Variants in GTF2F2 observed in about 807,000 individuals in gnomAD.
The protein encoded by GTF2F2 is general transcription factor IIF subunit 2.
Under a neutral mutation model 42.2 loss-of-function variants are expected in GTF2F2, and 23 were observed. That is an observed-to-expected ratio of 0.55 (90% CI 0.39 to 0.77). The LOEUF (loss-of-function observed/expected upper bound fraction) is 0.77. GTF2F2 is among the 30% of genes least tolerant of loss of function. The pLI is 0.00. For missense variants in GTF2F2, 261 were observed against 287.2 expected (o/e 0.91, Z 0.66); for synonymous variants, 105 against 100.8 (o/e 1.04, Z -0.25).
At chr13:45,168,995 C>T (rs1209990020) in intron 4 of GTF2F2, among the ~76,000 whole-genome samples, 1 of 148,708 alleles carries the variant, frequency 6.7e-6, no homozygotes, top group East Asian at 2.0e-4. Flanking sequence ...CCCTCCTTCC[C>T]TCTTTCCCTC....
chr13:45,134,360 G>T (rs1022163418), intron 1 of GTF2F2, among the ~76,000 whole-genome samples: 1 of 152,058 alleles, frequency 6.6e-6, no homozygotes, highest in Non-Finnish European at 1.5e-5. Flanking sequence ...TATGCTCTTC[G>T]GGAGCTGCCT....
intron 6 of GTF2F2, among the ~76,000 whole-genome samples, chr13:45,256,743 A>G (rs1394566534): frequency 6.6e-6 from 1 of 152,106 alleles, no homozygotes; most frequent in African/African-American, 2.4e-5. Context: ...AGAAACATAA[A>G]CGAACACAGG....
chr13:45,147,916 T>C (rs991916199), intron 2 of GTF2F2, among the ~76,000 whole-genome samples: 2 of 152,206 alleles, frequency 1.3e-5, no homozygotes, highest in African/African-American at 2.4e-5. Flanking sequence ...GACAGGTACA[T>C]TTATGGTATA....
intron 2 of GTF2F2, among the ~76,000 whole-genome samples, chr13:45,142,252 C>G (rs186176404): frequency 6.6e-6 from 1 of 152,144 alleles, no homozygotes; most frequent in African/African-American, 2.4e-5. Context: ...CTGCAACCTC[C>G]GCCTCCTGAG....
At chr13:45,217,672 A>C (rs1425521047) in intron 5 of GTF2F2, among the ~76,000 whole-genome samples, 1 of 152,214 alleles carries the variant, frequency 6.6e-6, no homozygotes, top group Non-Finnish European at 1.5e-5. Context: ...AGTCCTGAGA[A>C]GCAGTATTGG....
At chr13:45,160,137 T>C (rs750040387) in intron 4 of GTF2F2, among the ~76,000 whole-genome samples, 2 of 152,360 alleles carry the variant, frequency 1.3e-5, no homozygotes, top group Non-Finnish European at 2.9e-5. Flanking sequence ...CTAACATTTT[T>C]ATTTAAAAAT....
chr13:45,283,342 T>C (rs548620788), intron 7 of GTF2F2, 100 bp from the exon 8 acceptor site: 2 of 1,063,070 alleles, frequency 1.9e-6, no homozygotes, highest in Non-Finnish European at 2.6e-6. Flanking sequence ...AGGATCATAA[T>C]TTTTATGGCT....
intron 1 of GTF2F2, among the ~76,000 whole-genome samples, chr13:45,122,575 A>G (rs999252313): frequency 6.6e-6 from 1 of 152,200 alleles, no homozygotes; most frequent in Non-Finnish European, 1.5e-5. Context: ...CGGAGGTTGC[A>G]GTGAGCCGAG....
chr13:45,185,594 T>C (rs1872382959), intron 4 of GTF2F2, among the ~76,000 whole-genome samples: 1 of 152,230 alleles, frequency 6.6e-6, no homozygotes, highest in African/African-American at 2.4e-5. Flanking sequence ...TATATACTTT[T>C]AAGTGTTCTT....
chr13:45,210,410 C>T (rs923798040), intron 5 of GTF2F2, among the ~76,000 whole-genome samples: 1 of 152,112 alleles, frequency 6.6e-6, no homozygotes, highest in Admixed American at 6.6e-5. Context: ...GCCGCCTCAC[C>T]CCTTTCATGT....
intron 5 of GTF2F2, among the ~76,000 whole-genome samples, chr13:45,234,269 C>G (rs1566144854): frequency 6.6e-6 from 1 of 152,124 alleles, no homozygotes; most frequent in Admixed American, 6.5e-5. Flanking sequence ...AGTCTGATAT[C>G]CCTTGCATTT....
At chr13:45,173,366 TA>T (rs113490836) in intron 4 of GTF2F2, among the ~76,000 whole-genome samples, 31,273 of 151,044 alleles carry the variant, frequency 0.21, 3,435 homozygotes, top group African/African-American at 0.23. Context: ...TACTTGTACT[TA>T]ACTGTGTGTG....
intron 4 of GTF2F2, among the ~76,000 whole-genome samples, chr13:45,182,528 A>C (rs1034401260): frequency 6.6e-6 from 1 of 152,042 alleles, no homozygotes; most frequent in Admixed American, 6.5e-5. Context: ...TTCTCTCTCT[A>C]TGTTTATACT....
At chr13:45,194,292 G>A (rs1387678902) in intron 4 of GTF2F2, 1 of 1,614,012 alleles carries the variant, frequency 6.2e-7, no homozygotes, top group African/African-American at 1.3e-5. Flanking sequence ...CATTTCGTAG[G>A]AAGTTTAGGA....
intron 7 of GTF2F2, among the ~76,000 whole-genome samples, chr13:45,271,265 T>C (rs1234722666): frequency 6.6e-6 from 1 of 151,216 alleles, no homozygotes; most frequent in African/African-American, 2.4e-5. Context: ...CACTCCAGCC[T>C]GAGCGACAGA....
At chr13:45,194,446 C>T in intron 4 of GTF2F2, 2 of 1,614,152 alleles carry the variant, frequency 1.2e-6, no homozygotes, top group Non-Finnish European at 1.7e-6. Flanking sequence ...GTATAAATAT[C>T]CACCAACGTT....
intron 1 of GTF2F2, among the ~76,000 whole-genome samples, chr13:45,135,538 G>A (rs190196066): frequency 9.3e-4 from 141 of 152,046 alleles, no homozygotes; most frequent in African/African-American, 3.0e-3. Context: ...GATTACAGGC[G>A]TGAGCCACCG....
At chr13:45,212,444 CTTG>C (rs1477254225) in intron 5 of GTF2F2, among the ~76,000 whole-genome samples, 2 of 72,642 alleles carry the variant, frequency 2.8e-5, no homozygotes, top group South Asian at 7.0e-4. Context: ...TTCTTTCTTT[CTTG>C]TTTCTTTCTT....
chr13:45,245,666 A>AAT (rs372488927), intron 5 of GTF2F2, among the ~76,000 whole-genome samples: 8,800 of 110,104 alleles, frequency 0.08, 373 homozygotes, highest in Non-Finnish European at 0.11. Flanking sequence ...CCATGGTGTG[A>AAT]ATATATATAT....
Sources: allele counts gnomAD v4.1 joint callset (sites outside exome capture counted in the v4.1 genomes callset), GRCh38; gene constraint gnomAD v4.1.1; transcripts MANE v1.5; gene names NCBI Gene and HGNC (gene_info 2026-07-23, HGNC 2026-07-21).